Variants in GAB2 observed in about 807,000 individuals in gnomAD.
The protein encoded by GAB2 is GRB2-associated-binding protein 2.
A neutral mutation model predicts 65.5 loss-of-function variants in GAB2; 26 were observed. The ratio of observed to expected loss-of-function variants is 0.40; its 90% CI spans 0.29 to 0.55. The LOEUF is 0.55. GAB2 is among the 20% of genes least tolerant of loss of function. The pLI is 0.53. For missense variants in GAB2, 884 were observed against 875.8 expected, an observed-to-expected ratio of 1.01 and a Z score of -0.12; for synonymous variants, 321 against 329.6, an observed-to-expected ratio of 0.97 and a Z score of 0.28.
At chr11:78,397,124 C>CA (rs1217242048) in intron 1 of GAB2, among the ~76,000 whole-genome samples, 3 of 151,856 alleles carry the variant, frequency 2.0e-5, no homozygotes, top group Admixed American at 6.6e-5. Context: ...CAAGTATTAA[C>CA]AAAAAAATTC....
intron 2 of GAB2, among the ~76,000 whole-genome samples, chr11:78,268,581 G>C (rs1865927506): frequency 6.6e-6 from 1 of 152,050 alleles, no homozygotes; most frequent in South Asian, 2.1e-4. Context: ...AAAGTAGGGG[G>C]GATCTTATGA....
intron 3 of GAB2, among the ~76,000 whole-genome samples, chr11:78,232,622 C>T (rs1046879330): frequency 2.6e-5 from 4 of 152,180 alleles, no homozygotes; most frequent in Non-Finnish European, 5.9e-5. Flanking sequence ...TACATATTAT[C>T]TAGTACTTGA....
intron 1 of GAB2, among the ~76,000 whole-genome samples, chr11:78,388,727 T>C (rs1856798705): frequency 6.6e-6 from 1 of 152,206 alleles, no homozygotes; most frequent in South Asian, 2.1e-4. Flanking sequence ...CTCAGAGCTA[T>C]GGATATCCTT....
intron 1 of GAB2, among the ~76,000 whole-genome samples, chr11:78,306,520 C>T (rs1404194546): frequency 6.6e-6 from 1 of 152,226 alleles, no homozygotes; most frequent in Non-Finnish European, 1.5e-5. Context: ...GCGGTGAGCA[C>T]TGCGCCCGGC....
At chr11:78,287,938 G>A (rs1006023050) in intron 1 of GAB2, among the ~76,000 whole-genome samples, 30 of 151,822 alleles carry the variant, frequency 2.0e-4, no homozygotes, top group African/African-American at 4.8e-4. Flanking sequence ...GTGAGCCAGC[G>A]TGCCCAGCCA....
At chr11:78,343,381 A>C (rs1049516721) in intron 1 of GAB2, among the ~76,000 whole-genome samples, 1 of 114,580 alleles carries the variant, frequency 8.7e-6, no homozygotes. Flanking sequence ...GGAGGGAAGG[A>C]GAGAGGGAGA....
chr11:78,334,187 T>TAAA (rs1855961676), intron 1 of GAB2, among the ~76,000 whole-genome samples: 2 of 152,236 alleles, frequency 1.3e-5, no homozygotes, highest in Non-Finnish European at 2.9e-5. Flanking sequence ...ATGCAATGTG[T>TAAA]AATAATCACA....
chr11:78,384,091 T>G (rs1856734340), intron 1 of GAB2, among the ~76,000 whole-genome samples: 1 of 152,164 alleles, frequency 6.6e-6, no homozygotes. Flanking sequence ...TTCATTGATT[T>G]TGTACCAAAC....
chr11:78,276,592 T>C (rs1866177699), intron 2 of GAB2, among the ~76,000 whole-genome samples: 1 of 152,150 alleles, frequency 6.6e-6, no homozygotes, highest in Non-Finnish European at 1.5e-5. Flanking sequence ...ACTCAGACTC[T>C]ACTGTTCATC....
At chr11:78,358,294 G>A (rs1203250115) in intron 1 of GAB2, among the ~76,000 whole-genome samples, 6 of 120,446 alleles carry the variant, frequency 5.0e-5, no homozygotes, top group African/African-American at 1.5e-4. Flanking sequence ...GGGGCCTGTT[G>A]TGGGGTGGGG....
At chr11:78,294,529 C>T (rs970191938) in intron 1 of GAB2, among the ~76,000 whole-genome samples, 6 of 152,166 alleles carry the variant, frequency 3.9e-5, no homozygotes, top group African/African-American at 1.2e-4. Context: ...TACAGTCCCA[C>T]CAACAGTGTA....
intron 1 of GAB2, among the ~76,000 whole-genome samples, chr11:78,286,636 A>T (rs967860145): frequency 9.2e-5 from 14 of 152,116 alleles, no homozygotes; most frequent in Non-Finnish European, 1.9e-4. Context: ...TAAAACTTAT[A>T]CGTAAGCTTT....
chr11:78,345,598 C>T (rs1462615902), intron 1 of GAB2, among the ~76,000 whole-genome samples: 6 of 152,146 alleles, frequency 3.9e-5, no homozygotes, highest in Admixed American at 6.5e-5. Context: ...GGTCTCAGCA[C>T]CATTAAACTG....
At chr11:78,308,771 T>G (rs754365383) in intron 1 of GAB2, among the ~76,000 whole-genome samples, 3 of 152,196 alleles carry the variant, frequency 2.0e-5, no homozygotes, top group Non-Finnish European at 4.4e-5. Context: ...TGGAGTGGAA[T>G]AAGAAGAATA....
intron 1 of GAB2, among the ~76,000 whole-genome samples, chr11:78,344,957 G>A (rs1856156391): frequency 6.6e-6 from 1 of 152,130 alleles, no homozygotes; most frequent in Non-Finnish European, 1.5e-5. Context: ...AATAAGCATT[G>A]TTAAGCTTAT....
intron 1 of GAB2, among the ~76,000 whole-genome samples, chr11:78,342,503 G>T (rs1856115080): frequency 6.7e-6 from 1 of 150,206 alleles, no homozygotes. Context: ...CCGCCTCCCG[G>T]TTTCACGCCA....
chr11:78,365,089 G>A (rs1172964063), intron 1 of GAB2, among the ~76,000 whole-genome samples: 4 of 152,120 alleles, frequency 2.6e-5, no homozygotes, highest in African/African-American at 9.7e-5. Flanking sequence ...GTCACCCCAA[G>A]GTGATAGCAA....
chr11:78,308,872 T>A (rs1019658498), intron 1 of GAB2, among the ~76,000 whole-genome samples: 1 of 152,188 alleles, frequency 6.6e-6, no homozygotes, highest in Admixed American at 6.5e-5. Flanking sequence ...TATAGTACAG[T>A]ATATATTATA....
chr11:78,412,071 T>C (rs922945111), intron 1 of GAB2, among the ~76,000 whole-genome samples: 5 of 149,038 alleles, frequency 3.4e-5, no homozygotes, highest in Admixed American at 6.6e-5. Flanking sequence ...AGAGAATCAC[T>C]TGAACCTGGG....
Sources: allele counts gnomAD v4.1 joint callset (sites outside exome capture counted in the v4.1 genomes callset), GRCh38; gene constraint gnomAD v4.1.1; transcripts MANE v1.5; gene names NCBI Gene and HGNC (gene_info 2026-07-23, HGNC 2026-07-21).